ACTN1: variants seen among roughly 807,000 people sequenced by gnomAD.
ACTN1 encodes the protein alpha-actinin-1.
In ACTN1, 30 loss-of-function variants were observed where a neutral mutation model predicts 119.6. The observed-to-expected ratio is 0.25, with a 90% CI of 0.19 to 0.34. The LOEUF is 0.34. ACTN1 is among the 10% of genes least tolerant of loss of function. The pLI is 1.00. For missense variants in ACTN1, 764 were observed against 1,223.4 expected, an observed-to-expected ratio of 0.62 and a Z score of 5.60; for synonymous variants, 429 against 472.6, an observed-to-expected ratio of 0.91 and a Z score of 1.20.
rs2030570888 is a variant in ACTN1, at chr14:68,874,290, A to G, written c.*569T>C. On this transcript the variant is annotated 3_prime_UTR_variant, in exon 22 of 22. Coordinates refer to ENST00000394419, the MANE Select transcript of ACTN1 (RefSeq NM_001130004.2). ...TGAGGGGATTTAAAAATGAGAAGCC[A>G]CATAAATTCTCTTCCTTAAAAAACA... 6.6e-6 allele frequency: 1 copy of G among 152,408 alleles called. No individual in the cohort carries two copies. The highest frequency in any genetic ancestry group is 1.5e-5 in the Non-Finnish European group (1 of 68,052). The allele number at this position is 152,408 out of a possible 1,614,324, so 9.4% of individuals were successfully genotyped here. A position where few individuals can be genotyped will look rare whatever the true frequency, so the allele number is the denominator to read the frequency against.
chr14:68,926,816 A>G (rs2034948881), intron 1 of ACTN1, among the ~76,000 whole-genome samples: 1 of 152,124 alleles, frequency 6.6e-6, no homozygotes, highest in Non-Finnish European at 1.5e-5. Flanking sequence ...ATAAGTGGGT[A>G]GGAAGAGGGA....
chr14:68,931,055 C>T (rs1159418916), intron 1 of ACTN1, among the ~76,000 whole-genome samples: 1 of 152,226 alleles, frequency 6.6e-6, no homozygotes, highest in East Asian at 1.9e-4. Flanking sequence ...CAGCCCCTCA[C>T]ACTTTCTGCT....
intron 1 of ACTN1, among the ~76,000 whole-genome samples, chr14:68,973,279 T>C (rs973558632): frequency 6.6e-6 from 1 of 152,152 alleles, no homozygotes; most frequent in African/African-American, 2.4e-5. Context: ...CCAAACGTCA[T>C]CTTGAATTGT....
In ACTN1 at chr14:68,880,068, G is replaced by A; in HGVS notation, c.2174C>T (p.Ala725Val). 6.2e-7 allele frequency: 1 copy of A among 1,614,182 alleles called. No individual in the cohort carries two copies. Among genetic ancestry groups the A allele is most frequent in the Non-Finnish European group, 8.5e-7 (1 of 1,180,004 alleles). The change falls in exon 18 of 22, where the codon GCC (alanine) becomes GTC (valine). Residue 725 changes from alanine to valine, a missense_variant. Coordinates refer to ENST00000394419, the MANE Select transcript of ACTN1 (RefSeq NM_001130004.2). This position sits in a 1 kb window ranked among gnomAD's most constrained non-coding sequence, Gnocchi z 4.6. ...GTTCTCTACCTCATTGATGGTCCTGGCGATGGTGGTGAGCAGCTGCTCCCA... is the reference window on the plus strand; with the variant it reads ...GTTCTCTACCTCATTGATGGTCCTGACGATGGTGGTGAGCAGCTGCTCCCA... ...VGWEQLLTTI[A>V]RTINEVENQI...
intron 1 of ACTN1, among the ~76,000 whole-genome samples, chr14:68,956,673 G>A (rs528958676): frequency 2.6e-5 from 4 of 152,258 alleles, no homozygotes; most frequent in Non-Finnish European, 4.4e-5. Context: ...CACCTGCAGC[G>A]AATGATCACT....
chr14:68,960,919 T>C (rs2036515028), intron 1 of ACTN1, among the ~76,000 whole-genome samples: 1 of 151,966 alleles, frequency 6.6e-6, no homozygotes, highest in South Asian at 2.1e-4. Flanking sequence ...AATGTAAAAA[T>C]TAGCCAGGCA....
chr14:68,972,997 T>A (rs2036939602), intron 1 of ACTN1, among the ~76,000 whole-genome samples: 1 of 152,152 alleles, frequency 6.6e-6, no homozygotes, highest in African/African-American at 2.4e-5. Flanking sequence ...AGGGGCCAGT[T>A]GGGGTCATGA....
At chr14:68,946,782 G>A (rs1443800899) in intron 1 of ACTN1, among the ~76,000 whole-genome samples, 1 of 152,188 alleles carries the variant, frequency 6.6e-6, no homozygotes, top group East Asian at 1.9e-4. Context: ...CCATCATGGA[G>A]GCCCTCAGCC....
intron 1 of ACTN1, among the ~76,000 whole-genome samples, chr14:68,948,677 C>T (rs2036025496): frequency 6.6e-6 from 1 of 152,166 alleles, no homozygotes; most frequent in African/African-American, 2.4e-5. Flanking sequence ...AGGCCCCAAA[C>T]CAAAAGCCAG....
At position 68,880,116 on chromosome 14, in the gene ACTN1, A is replaced by G. The variant is rs2031355428; in HGVS notation, c.2134-8T>C. 2 of 1,613,092 alleles carry G rather than the reference A, an allele frequency of 1.2e-6. No individual in the cohort carries two copies. Among genetic ancestry groups the G allele is most frequent in the South Asian group, 2.2e-5 (2 of 91,042 alleles). On this transcript the variant is annotated splice_polypyrimidine_tract_variant and splice_region_variant and intron_variant, in intron 17 of 21. Coordinates refer to ENST00000394419, the MANE Select transcript of ACTN1 (RefSeq NM_001130004.2). The surrounding 1 kb of genome is among the most constrained non-coding windows in gnomAD (Gnocchi z 4.6). ...CCAGCCCACACGGATGTGCTGCAGG[A>G]CGGCAAGGGGCCTGTCAGCAAAGGG...
chr14:68,968,016 C>A (rs971654899), intron 1 of ACTN1, among the ~76,000 whole-genome samples: 2 of 152,156 alleles, frequency 1.3e-5, no homozygotes, highest in Non-Finnish European at 2.9e-5. Flanking sequence ...AATAAAAGCA[C>A]AACTACTACC....
At chr14:68,913,309 C>T (rs4902669) in intron 3 of ACTN1, among the ~76,000 whole-genome samples, 27,067 of 152,126 alleles carry the variant, frequency 0.18, 3,257 homozygotes, top group East Asian at 0.63. Flanking sequence ...GATTCCACAC[C>T]CACTCATCAC....
intron 3 of ACTN1, 120 bp from the exon 4 acceptor site, chr14:68,912,362 C>T: frequency 2.6e-6 from 2 of 779,480 alleles, no homozygotes; most frequent in Non-Finnish European, 4.3e-6. Context: ...CAGAGCTCTA[C>T]TTCTAGAGGG....
chr14:68,962,094 G>A (rs1215976257), intron 1 of ACTN1, among the ~76,000 whole-genome samples: 1 of 152,176 alleles, frequency 6.6e-6, no homozygotes, highest in Non-Finnish European at 1.5e-5. Context: ...CACAGCCAAG[G>A]TTTAGCCAAC....
At position 68,909,468 on chromosome 14, in the gene ACTN1, G is replaced by C; in HGVS notation, c.516-72C>G. 6.9e-7 allele frequency: 1 copy of C among 1,441,884 alleles called. No individual in the cohort carries two copies. 89.3% of individuals were successfully genotyped at this position (1,441,884 alleles called of 1,614,324 possible). A position where few individuals can be genotyped will look rare whatever the true frequency, so the allele number is the denominator to read the frequency against. On this transcript the variant is annotated intron_variant, in intron 5 of 21. Coordinates refer to ENST00000394419, the MANE Select transcript of ACTN1 (RefSeq NM_001130004.2). This position sits in a 1 kb window ranked among gnomAD's most constrained non-coding sequence, Gnocchi z 4.1. ...ACAAACGGGCAACCAGGGCAAAGCA[G>C]GGGCCTCCTAGACACCAGAGAGATG...
At position 68,882,292 on chromosome 14, in the gene ACTN1, T is replaced by C. The variant is rs2031608688; in HGVS notation, c.1953+166A>G. On this transcript the variant is annotated intron_variant, in intron 16 of 21. Transcript: ENST00000394419. The surrounding 1 kb of genome is among the most constrained non-coding windows in gnomAD (Gnocchi z 4.5). ...AATCAGATACTGCCAGCAGGGCTTC[T>C]TCACATAGGCCCCCATAGCCTTCTA... 6.6e-6 allele frequency among the ~76,000 whole-genome samples: 1 copy of C among 152,186 alleles called. No homozygotes were observed. Among genetic ancestry groups the C allele is most frequent in the Non-Finnish European group, 1.5e-5 (1 of 68,042 alleles).
At chr14:68,889,332 G>A (rs1046603745) in intron 11 of ACTN1, among the ~76,000 whole-genome samples, 12 of 152,218 alleles carry the variant, frequency 7.9e-5, no homozygotes, top group Non-Finnish European at 1.3e-4. Context: ...AAGAGCTGAA[G>A]AGATGAAAAC....
At chr14:68,918,981 C>A (rs149084706) in intron 3 of ACTN1, among the ~76,000 whole-genome samples, 10 of 152,314 alleles carry the variant, frequency 6.6e-5, no homozygotes, top group Non-Finnish European at 1.0e-4. Context: ...CCTACGAGCC[C>A]ATCATGAGTG....
At chr14:68,922,185 G>T (rs567230521) in intron 2 of ACTN1, among the ~76,000 whole-genome samples, 3 of 152,140 alleles carry the variant, frequency 2.0e-5, no homozygotes, top group Non-Finnish European at 4.4e-5. Flanking sequence ...CACACCCACT[G>T]TCTCCCCAGC....
Sources: allele counts gnomAD v4.1 joint callset (sites outside exome capture counted in the v4.1 genomes callset), GRCh38; gene constraint gnomAD v4.1.1; non-coding constraint Gnocchi (gnomAD v3.1); transcripts MANE v1.5; gene names NCBI Gene and HGNC (gene_info 2026-07-23, HGNC 2026-07-21).